PCDHGA1: variants seen among roughly 807,000 people sequenced by gnomAD.
The protein encoded by PCDHGA1 is protocadherin gamma-A1.
A neutral mutation model predicts 58.0 loss-of-function variants in PCDHGA1; 32 were observed. The ratio of observed to expected loss-of-function variants is 0.55; its 90% CI spans 0.42 to 0.74. The LOEUF (loss-of-function observed/expected upper bound fraction) is 0.74. Ranked by LOEUF, PCDHGA1 falls within the 30% of genes least tolerant of loss-of-function variation. The pLI is 0.00. For missense variants in PCDHGA1, 1,205 were observed against 1,182.3 expected (o/e 1.02, Z -0.28); for synonymous variants, 498 against 501.1 (o/e 0.99, Z 0.08).
intron 1 of PCDHGA1, chr5:141,362,185 C>A: frequency 6.2e-7 from 1 of 1,614,022 alleles, no homozygotes; most frequent in Middle Eastern, 1.6e-4. Context: ...GCCCTCTGAC[C>A]CCCAGGCAAA....
intron 1 of PCDHGA1, chr5:141,356,138 G>A (rs753493345): frequency 6.2e-7 from 1 of 1,613,698 alleles, no homozygotes; most frequent in South Asian, 1.1e-5. Flanking sequence ...GAGGACTCTG[G>A]ATTCTATGAC....
At position 141,355,838 on chromosome 5, in the gene PCDHGA1, C is replaced by T. The variant is rs201855847; in HGVS notation, c.2421+22733C>T. ...GAGGCGGTTCACCACCTCGTTCTCA[C>T]GGCCTTCGATGGAGGTGACCCGGTT... On this transcript the variant is annotated intron_variant, in intron 1 of 3. Coordinates refer to ENST00000517417, the MANE Select transcript of PCDHGA1 (RefSeq NM_018912.3). The T allele has an allele frequency of 8.7e-6, 14 of 1,611,996 alleles. No individual in the cohort carries two copies. In the South Asian group the frequency reaches 9.9e-5, roughly 11 times the overall value.
Position 141,486,695 on chromosome 5 carries a change from A to T in PCDHGA1, c.2422-8112A>T. On this transcript the variant is annotated intron_variant, in intron 1 of 3. Coordinates refer to ENST00000517417, the MANE Select transcript of PCDHGA1 (RefSeq NM_018912.3). The surrounding 1 kb of genome is among the most constrained non-coding windows in gnomAD (Gnocchi z 5.0). ...TCGAGATGTATCAGCTTCCTCTTTC[A>T]TCTCTCTGAACCCCCAGACAGGAGC... The T allele has an allele frequency of 6.2e-7, 1 of 1,613,912 alleles. No homozygotes were observed. The highest frequency in any genetic ancestry group is 8.5e-7 in the Non-Finnish European group (1 of 1,179,980).
At position 141,356,877 on chromosome 5, in the gene PCDHGA1, C is replaced by G. The variant is rs1285670613; in HGVS notation, c.2421+23772C>G. ...TTGTGCTGGACCAGAACGACAATGTCCCTGAGATCCTGTACCCCACCTTCC... is the reference window on the plus strand; with the variant it reads ...TTGTGCTGGACCAGAACGACAATGTGCCTGAGATCCTGTACCCCACCTTCC... On this transcript the variant is annotated intron_variant, in intron 1 of 3. Transcript: ENST00000517417. 2.5e-6 allele frequency: 4 copies of G among 1,614,196 alleles called. No homozygotes were observed. In the South Asian group the frequency reaches 4.4e-5, roughly 18 times the overall value.
At chr5:141,414,083 G>C (rs964114178) in intron 1 of PCDHGA1, 1 of 1,601,124 alleles carries the variant, frequency 6.2e-7, no homozygotes, top group Non-Finnish European at 8.5e-7. Context: ...AAATATACTG[G>C]AGAAATAAAA....
rs1000098905 is a variant in PCDHGA1 at position 141,353,769 on chromosome 5, C to T, written c.2421+20664C>T. ...TAAACATGTTGAGATTTTTTTAATG[C>T]ATACTGTCAAATTTATTTCCAAACA... On this transcript the variant is annotated intron_variant, in intron 1 of 3. Coordinates refer to ENST00000517417, the MANE Select transcript of PCDHGA1 (RefSeq NM_018912.3). Among the ~76,000 whole-genome samples, 6 of 152,110 alleles carry T rather than the reference C, an allele frequency of 3.9e-5. No homozygotes were observed. In the South Asian group the frequency reaches 8.3e-4, roughly 21 times the overall value.
Position 141,370,267 on chromosome 5 carries a change from C to T in PCDHGA1, c.2421+37162C>T. On this transcript the variant is annotated intron_variant, in intron 1 of 3. Coordinates refer to ENST00000517417, the MANE Select transcript of PCDHGA1 (RefSeq NM_018912.3). ...GCACTCTCTATCAGGCTTCCTGCAG[C>T]GGAGACACCCATTAGAGAACCCAAG... The T allele has an allele frequency of 6.5e-6, 5 of 767,402 alleles. No homozygotes were observed. The East Asian group carries it at 1.1e-4, about 17-fold the overall frequency. 47.5% of individuals were successfully genotyped at this position (767,402 alleles called of 1,614,324 possible). A position where few individuals can be genotyped will look rare whatever the true frequency, so the allele number is the denominator to read the frequency against.
At chr5:141,394,968 T>C in intron 1 of PCDHGA1, 1 of 1,613,938 alleles carries the variant, frequency 6.2e-7, no homozygotes, top group Non-Finnish European at 8.5e-7. Context: ...GCTGAGGCGC[T>C]GGCACAAGTC....
At chr5:141,379,889 C>CTTTATTTTTTTTTTTTTTTTTTTTTTTT (rs1775940253) in intron 1 of PCDHGA1, among the ~76,000 whole-genome samples, 1 of 50,830 alleles carries the variant, frequency 2.0e-5, no homozygotes, top group Non-Finnish European at 3.9e-5. Flanking sequence ...GTGAAAGCCT[C>CTTTATTTTTTTTTTTTTTTTTTTTTTTT]TTTTTTTTTT....
chr5:141,436,859 A>T (rs550974791), intron 1 of PCDHGA1, among the ~76,000 whole-genome samples: 1 of 152,250 alleles, frequency 6.6e-6, no homozygotes, highest in Non-Finnish European at 1.5e-5. Flanking sequence ...TTGAGAAGCC[A>T]CAGTTTTAGG....
Position 141,512,270 on chromosome 5 carries a change from G to C in PCDHGA1, c.*1097G>C, listed in dbSNP as rs1188941232. On this transcript the variant is annotated 3_prime_UTR_variant, in exon 4 of 4. Transcript: ENST00000517417. ...TCTGTGGGTGCTGGGTACTCCAGAG[G>C]TGCCACTGGTGGAAGGGTCAGCGGA... 6.5e-6 allele frequency: 1 copy of C among 152,714 alleles called. No homozygotes were observed. The highest frequency in any genetic ancestry group is 2.4e-5 in the African/African-American group (1 of 41,452). The allele number at this position is 152,714 out of a possible 1,614,324, so 9.5% of individuals were successfully genotyped here. A position where few individuals can be genotyped will look rare whatever the true frequency, so the allele number is the denominator to read the frequency against.
chr5:141,356,640 C>A (rs758426819), intron 1 of PCDHGA1: 1 of 1,614,164 alleles, frequency 6.2e-7, no homozygotes, highest in Non-Finnish European at 8.5e-7. Flanking sequence ...AAGACCCTGA[C>A]AGTGGTGACA....
At position 141,374,383 on chromosome 5, in the gene PCDHGA1, G is replaced by A. The variant is rs192911480; in HGVS notation, c.2421+41278G>A. On this transcript the variant is annotated intron_variant, in intron 1 of 3. Transcript: ENST00000517417. ...GCGAGGAGCTCTGTGCTCAGAGCCC[G>A]CGGTGTCTGGTGAGTTTTAACATCC... is the stretch of plus-strand genomic sequence containing the variant. 3.7e-6 allele frequency: 6 copies of A among 1,614,036 alleles called. No homozygotes were observed. In the African/African-American group the frequency reaches 8.0e-5, roughly 22 times the overall value.
chr5:141,338,770 T>C (rs1756775767), intron 1 of PCDHGA1: 1 of 1,279,032 alleles, frequency 7.8e-7, no homozygotes, highest in South Asian at 3.0e-5. Flanking sequence ...AATCCAGCAA[T>C]ACGGCTCCCA....
At chr5:141,421,974 C>T in intron 1 of PCDHGA1, 3 of 1,609,644 alleles carry the variant, frequency 1.9e-6, no homozygotes, top group African/African-American at 1.3e-5. Flanking sequence ...CCGTATATCG[C>T]GTGAGTGTTC....
intron 1 of PCDHGA1, chr5:141,372,088 C>G: frequency 1.9e-6 from 3 of 1,613,762 alleles, no homozygotes; most frequent in Non-Finnish European, 2.5e-6. Flanking sequence ...GTGCTGTACC[C>G]AGCTCTGGGG....
chr5:141,344,388 G>A, intron 1 of PCDHGA1: 4 of 1,612,378 alleles, frequency 2.5e-6, no homozygotes, highest in East Asian at 2.2e-5. Context: ...AATTTTTGAA[G>A]TAGAAATAGA....
Position 141,491,019 on chromosome 5 carries a change from A to G in PCDHGA1, c.2422-3788A>G. 5 of 1,614,116 alleles carry G rather than the reference A, an allele frequency of 3.1e-6. No individual in the cohort carries two copies. The highest frequency in any genetic ancestry group is 4.2e-6 in the Non-Finnish European group (5 of 1,180,026). ...CTGGCTCCTTGGTCACCAAGGTGAC[A>G]GCCGTGGATGCTGATGCAGGCCACA... On this transcript the variant is annotated intron_variant, in intron 1 of 3. Coordinates refer to ENST00000517417, the MANE Select transcript of PCDHGA1 (RefSeq NM_018912.3). This position sits in a 1 kb window ranked among gnomAD's most constrained non-coding sequence, Gnocchi z 6.9.
At chr5:141,376,432 G>C (rs1402207776) in intron 1 of PCDHGA1, 6 of 1,614,084 alleles carry the variant, frequency 3.7e-6, no homozygotes, top group African/African-American at 1.3e-5. Flanking sequence ...TCAACCAGGA[G>C]AGCTATGAGA....
Sources: allele counts gnomAD v4.1 joint callset (sites outside exome capture counted in the v4.1 genomes callset), GRCh38; gene constraint gnomAD v4.1.1; non-coding constraint Gnocchi (gnomAD v3.1); transcripts MANE v1.5; gene names NCBI Gene and HGNC (gene_info 2026-07-23, HGNC 2026-07-21).